Variants in CEP78 observed in about 807,000 individuals in gnomAD.
The protein encoded by CEP78 is centrosomal protein of 78 kDa.
A neutral mutation model predicts 81.2 loss-of-function variants in CEP78; 76 were observed. The observed-to-expected ratio is 0.94, with a 90% CI of 0.78 to 1.13. The LOEUF is 1.13. Ranked by LOEUF, CEP78 falls within the 50% of genes most tolerant of loss-of-function variation. The pLI, the probability that CEP78 is intolerant of heterozygous loss-of-function variation, is 0.00. For synonymous variants in CEP78, 293 were observed against 301.4 expected (o/e 0.97, Z 0.29); for missense variants, 918 against 846.8 (o/e 1.08, Z -1.04).
chr9:78,254,946 A>T lies in CEP78; in HGVS notation c.1362A>T (p.Ile454=). 1.2e-6 allele frequency: 2 copies of T among 1,610,714 alleles called. No homozygotes were observed. Among genetic ancestry groups the T allele is most frequent in the Non-Finnish European group, 1.7e-6 (2 of 1,177,848 alleles). The change falls in exon 11 of 17, where the codon ATA becomes ATT. Residue 454 remains isoleucine, a synonymous_variant. Transcript: ENST00000643273. ...ATGAAGTGCCTGAGAAAACTAGTATAGAACAAGAAGCATTACAGGTACAAA... is the reference window on the plus strand; with the variant it reads ...ATGAAGTGCCTGAGAAAACTAGTATTGAACAAGAAGCATTACAGGTACAAA... ...SVHEVPEKTS[I]EQEALQEKLE...
intron 5 of CEP78, 146 bp from the exon 6 acceptor site, chr9:78,246,523 C>T: frequency 2.3e-6 from 1 of 432,420 alleles, no homozygotes; most frequent in East Asian, 4.1e-5. Context: ...TGGCGTGAAC[C>T]TGGGAGGCAG....
rs185224134 is a variant in CEP78, at chr9:78,259,078, G to A, written c.1381-3829G>A. Among the ~76,000 whole-genome samples the A allele has an allele frequency of 2.6e-4, 40 of 152,256 alleles. No individual in the cohort carries two copies. The South Asian group carries it at 2.9e-3, about 11-fold the overall frequency. Reference sequence around the variant, plus strand: ...TAATAGTCCAACCTGAAAACAACCCGATGTCCATTAAGAATTAAAAATTAG... The same window carrying A: ...TAATAGTCCAACCTGAAAACAACCCAATGTCCATTAAGAATTAAAAATTAG... On this transcript the variant is annotated intron_variant, in intron 11 of 16. Coordinates refer to ENST00000643273, the MANE Select transcript of CEP78 (RefSeq NM_001330691.3).
intron 3 of CEP78, among the ~76,000 whole-genome samples, chr9:78,241,072 G>C (rs1826205378): frequency 6.6e-6 from 1 of 152,304 alleles, no homozygotes; most frequent in East Asian, 1.9e-4. Context: ...TGCTGTATAG[G>C]AGCATATAAA....
At chr9:78,256,533 T>A (rs1323696232) in intron 11 of CEP78, among the ~76,000 whole-genome samples, 1 of 140,648 alleles carries the variant, frequency 7.1e-6, no homozygotes, top group Middle Eastern at 3.3e-3. Context: ...TATTTTTTTT[T>A]TTTTTTTTTT....
chr9:78,255,895 A>C lies in CEP78; in HGVS notation c.1380+931A>C, dbSNP rs1467737169. Among the ~76,000 whole-genome samples the C allele has an allele frequency of 2.6e-5, 4 of 152,214 alleles. No individual in the cohort carries two copies. The East Asian group carries it at 7.7e-4, about 29-fold the overall frequency. ...TTATTTTCTTCACCAGGGGATTAGGAAATTTTATTCTAAAAGTGATTATAG... is the reference window on the plus strand; with the variant it reads ...TTATTTTCTTCACCAGGGGATTAGGCAATTTTATTCTAAAAGTGATTATAG... On this transcript the variant is annotated intron_variant, in intron 11 of 16. Coordinates refer to ENST00000643273, the MANE Select transcript of CEP78 (RefSeq NM_001330691.3).
chr9:78,253,262 A>G lies in CEP78; in HGVS notation c.1236A>G (p.Ile412Met). 4.3e-6 allele frequency: 6 copies of G among 1,380,358 alleles called. 1 individual carries two copies. Among genetic ancestry groups the G allele is most frequent in the Middle Eastern group, 3.6e-4 (2 of 5,622 alleles). The allele number at this position is 1,380,358 out of a possible 1,614,324, so 85.5% of individuals were successfully genotyped here. A position where few individuals can be genotyped will look rare whatever the true frequency, so the allele number is the denominator to read the frequency against. Reference sequence around the variant, plus strand: ...TCCCATTAATCAAAACACGTGATATATGTAATCAGTTGCAGGTACGTAGTT... The same window carrying G: ...TCCCATTAATCAAAACACGTGATATGTGTAATCAGTTGCAGGTACGTAGTT... ...RGFPLIKTRD[I>M]CNQLQQPGFP... The change falls in exon 10 of 17, where the codon ATA (isoleucine) becomes ATG (methionine). Residue 412 changes from isoleucine (I) to methionine (M), a missense_variant. Coordinates refer to ENST00000643273, the MANE Select transcript of CEP78 (RefSeq NM_001330691.3).
chr9:78,267,091 T>C, intron 16 of CEP78: 1 of 1,063,572 alleles, frequency 9.4e-7, no homozygotes, highest in Non-Finnish European at 1.3e-6. Flanking sequence ...TGTCTTAAAA[T>C]ATAGGATTGG....
Position 78,275,397 on chromosome 9 carries a change from GAGTTC to G in CEP78, c.*4548_*4552del, listed in dbSNP as rs1269314679. The stretch of plus-strand genomic sequence containing the variant: ...AGGTGGGCGGATCACCTGAGATGAG[GAGTTC>G]AAGACCAGCCTGGCCAACATGGTGA... On this transcript the variant is annotated 3_prime_UTR_variant, in exon 17 of 17. Coordinates refer to ENST00000643273, the MANE Select transcript of CEP78 (RefSeq NM_001330691.3). The G allele has an allele frequency of 2.6e-5, 4 of 152,076 alleles. No individual in the cohort carries two copies. The highest frequency in any genetic ancestry group is 1.5e-5 in the Non-Finnish European group (1 of 68,038). The allele number at this position is 152,076 out of a possible 1,614,324, so 9.4% of individuals were successfully genotyped here. A position where few individuals can be genotyped will look rare whatever the true frequency, so the allele number is the denominator to read the frequency against.
At chr9:78,266,800 G>A in intron 16 of CEP78, 97 bp downstream of exon 16, 3 of 1,521,954 alleles carry the variant, frequency 2.0e-6, no homozygotes, top group Non-Finnish European at 2.6e-6. Flanking sequence ...AAAGAAACTA[G>A]GGAAACTAGT....
chr9:78,267,313 C>T (rs1827585538), intron 16 of CEP78, among the ~76,000 whole-genome samples: 1 of 151,930 alleles, frequency 6.6e-6, no homozygotes, highest in South Asian at 2.1e-4. Context: ...GAAAACAGAA[C>T]AACAAAGCAG....
rs2118568991 is a variant in CEP78 at position 78,278,447 on chromosome 9, C to T, written c.*7596C>T. 1 of 152,298 alleles carries T rather than the reference C, an allele frequency of 6.6e-6. No individual in the cohort carries two copies. The highest frequency in any genetic ancestry group is 2.1e-4 in the South Asian group (1 of 4,826). 9.4% of individuals were successfully genotyped at this position (152,298 alleles called of 1,614,324 possible). A position where few individuals can be genotyped will look rare whatever the true frequency, so the allele number is the denominator to read the frequency against. ...AAAGTTAAAAGTAGTAGTCCTGGCC[C>T]CACCTTCCTTGTGTGCACGTATAAT... On this transcript the variant is annotated 3_prime_UTR_variant, in exon 17 of 17. Transcript: ENST00000643273.
chr9:78,248,291 A>G lies in CEP78; in HGVS notation c.893A>G (p.Asp298Gly), dbSNP rs1408939958. ...VLDIRKNPLI[D>G]HSMMKAVIKK... is the part of the protein sequence containing the mutation. ...AATTTCAATTTTTATTTTACTTTAG[A>G]TCATTCTATGATGAAAGCAGTTATC... Residue 298 changes from aspartate to glycine, a missense_variant and splice_region_variant, in exon 7 of 17, where the codon GAT becomes GGT. Asp to Gly is a moderately conservative substitution (Grantham distance 94, BLOSUM62 -1). Transcript: ENST00000643273. 2 of 1,516,076 alleles carry G rather than the reference A, an allele frequency of 1.3e-6. No homozygotes were observed. Among genetic ancestry groups the G allele is most frequent in the Non-Finnish European group, 1.8e-6 (2 of 1,091,558 alleles). The allele number at this position is 1,516,076 out of a possible 1,614,324, so 93.9% of individuals were successfully genotyped here. A position where few individuals can be genotyped will look rare whatever the true frequency, so the allele number is the denominator to read the frequency against.
rs1232907298 is a variant in CEP78 at position 78,279,462 on chromosome 9, C to G, written c.*8611C>G. 6.6e-6 allele frequency: 1 copy of G among 152,110 alleles called. No homozygotes were observed. Among genetic ancestry groups the G allele is most frequent in the African/African-American group, 2.4e-5 (1 of 41,394 alleles). The allele number at this position is 152,110 out of a possible 1,614,324, so 9.4% of individuals were successfully genotyped here. A position where few individuals can be genotyped will look rare whatever the true frequency, so the allele number is the denominator to read the frequency against. The stretch of plus-strand genomic sequence containing the variant: ...GTATATTATTCCAAATATTGCAAAC[C>G]TACAAGGAGTAAAAGGTGTTATTAT... On this transcript the variant is annotated 3_prime_UTR_variant, in exon 17 of 17. Coordinates refer to ENST00000643273, the MANE Select transcript of CEP78 (RefSeq NM_001330691.3).
rs1352015970 is a variant in CEP78, at chr9:78,274,418, C to T, written c.*3567C>T. ...TGTATCCTGATTGCGGTGGTGGTAA[C>T]GTGAGTCTATACATATGTTAAAATT... On this transcript the variant is annotated 3_prime_UTR_variant, in exon 17 of 17. Coordinates refer to ENST00000643273, the MANE Select transcript of CEP78 (RefSeq NM_001330691.3). 6.6e-6 allele frequency: 1 copy of T among 151,978 alleles called. No homozygotes were observed. Among genetic ancestry groups the T allele is most frequent in the Non-Finnish European group, 1.5e-5 (1 of 68,014 alleles). The allele number at this position is 151,978 out of a possible 1,614,324, so 9.4% of individuals were successfully genotyped here. A position where few individuals can be genotyped will look rare whatever the true frequency, so the allele number is the denominator to read the frequency against.
chr9:78,237,921 C>G (rs1826035205), intron 1 of CEP78, among the ~76,000 whole-genome samples: 2 of 134,460 alleles, frequency 1.5e-5, no homozygotes, highest in Admixed American at 8.3e-5. Flanking sequence ...ACCAGGCTCA[C>G]CAACATGGTG....
At chr9:78,240,959 T>C (rs2118129014) in intron 3 of CEP78, among the ~76,000 whole-genome samples, 1 of 150,576 alleles carries the variant, frequency 6.6e-6, no homozygotes, top group South Asian at 2.1e-4. Context: ...CAAGACTCCG[T>C]CTCAAAAAAA....
At chr9:78,241,629 A>T (rs1826231846) in intron 3 of CEP78, 67 bp from the exon 4 acceptor site, 1 of 704,348 alleles carries the variant, frequency 1.4e-6, no homozygotes, top group East Asian at 2.6e-5. Flanking sequence ...AAGAGCAAAT[A>T]AATCAAGACT....
rs1827410899 is a variant in CEP78 at position 78,264,284 on chromosome 9, T to G, written c.1593T>G (p.Phe531Leu). ...GCATTGAGAATTCTTTTCAGAAGTT[T>G]CATGCTTTCTTGGATCTCCTTAAAG... is the stretch of plus-strand genomic sequence containing the variant. ...LGSIENSFQK[F>L]HAFLDLLKDA... Residue 531 changes from phenylalanine (F) to leucine (L), a missense_variant, in exon 13 of 17, where the codon TTT becomes TTG. Transcript: ENST00000643273. The G allele has an allele frequency of 6.2e-7, 1 of 1,613,338 alleles. No homozygotes were observed. Among genetic ancestry groups the G allele is most frequent in the Non-Finnish European group, 8.5e-7 (1 of 1,179,552 alleles).
At chr9:78,251,628 A>T (rs1826763522) in intron 8 of CEP78, among the ~76,000 whole-genome samples, 1 of 151,988 alleles carries the variant, frequency 6.6e-6, no homozygotes, top group Non-Finnish European at 1.5e-5. Flanking sequence ...CATGTCTCAT[A>T]TATTCAACTT....
Sources: allele counts gnomAD v4.1 joint callset (sites outside exome capture counted in the v4.1 genomes callset), GRCh38; gene constraint gnomAD v4.1.1; transcripts MANE v1.5; gene names NCBI Gene and HGNC (gene_info 2026-07-23, HGNC 2026-07-21).